The following KIAA1958 variants were observed in gnomAD, a reference collection of about 807,000 sequenced individuals.
The protein encoded by KIAA1958 is uncharacterized protein KIAA1958.
Under a neutral mutation model 47.2 loss-of-function variants are expected in KIAA1958, and 14 were observed. That is an observed-to-expected ratio of 0.30 (90% CI 0.20 to 0.46). The LOEUF (loss-of-function observed/expected upper bound fraction) is 0.46, where lower values mean the gene tolerates loss of function less well. Among genes scored for constraint, KIAA1958 ranks in the 20% least tolerant of loss-of-function variants. The pLI is 1.00. For missense variants in KIAA1958, 803 were observed against 909.2 expected (o/e 0.88, Z 1.50); for synonymous variants, 354 against 353.3 (o/e 1.00, Z -0.02).
At chr9:112,623,841 A>G (rs1379074169) in intron 2 of KIAA1958, among the ~76,000 whole-genome samples, 1 of 152,232 alleles carries the variant, frequency 6.6e-6, no homozygotes, top group African/African-American at 2.4e-5. Flanking sequence ...ATCGATTGCC[A>G]TTGACCAGAT....
At chr9:112,601,030 A>C in intron 2 of KIAA1958, among the ~76,000 whole-genome samples, 1 of 152,226 alleles carries the variant, frequency 6.6e-6, no homozygotes, top group East Asian at 1.9e-4. Flanking sequence ...AGTTGAACCC[A>C]GGCATTCTTG....
chr9:112,533,504 C>G (rs1349786791), intron 1 of KIAA1958, among the ~76,000 whole-genome samples: 3 of 147,474 alleles, frequency 2.0e-5, no homozygotes, highest in Non-Finnish European at 4.4e-5. Context: ...TGGCGTGAAC[C>G]CGGGAGACGG....
At chr9:112,557,256 C>T (rs968023476) in intron 1 of KIAA1958, among the ~76,000 whole-genome samples, 2 of 152,110 alleles carry the variant, frequency 1.3e-5, no homozygotes, top group Non-Finnish European at 2.9e-5. Context: ...ACACCCAGCC[C>T]CATTCAGTGT....
chr9:112,628,327 C>T (rs1836654149), intron 2 of KIAA1958, among the ~76,000 whole-genome samples: 1 of 152,312 alleles, frequency 6.6e-6, no homozygotes, highest in Non-Finnish European at 1.5e-5. Flanking sequence ...TGATTTAATT[C>T]TAAGACTATC....
At chr9:112,533,393 G>A (rs911325558) in intron 1 of KIAA1958, among the ~76,000 whole-genome samples, 11 of 145,922 alleles carry the variant, frequency 7.5e-5, no homozygotes, top group East Asian at 2.0e-4. Flanking sequence ...TGGCTAACAC[G>A]GTGAAACCCC....
At chr9:112,616,228 G>A (rs994546578) in intron 2 of KIAA1958, among the ~76,000 whole-genome samples, 2 of 152,168 alleles carry the variant, frequency 1.3e-5, no homozygotes, top group South Asian at 2.1e-4. Flanking sequence ...GGAGCATAAA[G>A]CTTACTTTTG....
intron 1 of KIAA1958, among the ~76,000 whole-genome samples, chr9:112,541,876 A>T (rs527716192): frequency 6.6e-6 from 1 of 152,224 alleles, no homozygotes; most frequent in Non-Finnish European, 1.5e-5. Context: ...CTGGGACATC[A>T]CTGGCATGTG....
In KIAA1958 at chr9:112,525,932, T is replaced by TCTC. The variant is rs1564159402; in HGVS notation, c.-25+38816_-25+38817insCCT. ...CATTTATATTCTTTCTTCTTCTTCT[T>TCTC]CTTCTTCTTCTTCTTCTTCTTCTTC... On this transcript the variant is annotated intron_variant, in intron 1 of 3. Coordinates refer to ENST00000337530, the MANE Select transcript of KIAA1958 (RefSeq NM_133465.4). 2.9e-3 allele frequency among the ~76,000 whole-genome samples: 14 copies of TCTC among 4,870 alleles called. No individual in the cohort carries two copies. In the African/African-American group the frequency reaches 0.029, roughly 10 times the overall value. 3.2% of individuals were successfully genotyped at this position (4,870 alleles called of 152,430 possible).
intron 3 of KIAA1958, among the ~76,000 whole-genome samples, chr9:112,649,726 G>C (rs1469504316): frequency 6.6e-6 from 1 of 152,028 alleles, no homozygotes; most frequent in Non-Finnish European, 1.5e-5. Flanking sequence ...ATTATTGAAA[G>C]AAAAATACTT....
At chr9:112,617,663 C>A (rs1434090109) in intron 2 of KIAA1958, among the ~76,000 whole-genome samples, 1 of 152,122 alleles carries the variant, frequency 6.6e-6, no homozygotes, top group Non-Finnish European at 1.5e-5. Flanking sequence ...TTGTAATGGG[C>A]CATATGCTTG....
At chr9:112,489,995 T>A (rs1183228926) in intron 1 of KIAA1958, among the ~76,000 whole-genome samples, 3 of 152,230 alleles carry the variant, frequency 2.0e-5, no homozygotes, top group Non-Finnish European at 4.4e-5. Context: ...TCTTTCTTTT[T>A]GACATTTTTT....
chr9:112,513,004 ATTTT>A (rs34446189), intron 1 of KIAA1958, among the ~76,000 whole-genome samples: 2 of 104,548 alleles, frequency 1.9e-5, no homozygotes, highest in African/African-American at 4.1e-5. Context: ...TGCCCAGCTA[ATTTT>A]TTTTTTTTTT....
At chr9:112,638,663 A>C (rs1325733548) in intron 2 of KIAA1958, among the ~76,000 whole-genome samples, 1 of 152,142 alleles carries the variant, frequency 6.6e-6, no homozygotes, top group Non-Finnish European at 1.5e-5. Context: ...AAAATTCTCG[A>C]CCAATATTTT....
intron 1 of KIAA1958, among the ~76,000 whole-genome samples, chr9:112,513,726 CG>C (rs1834364860): frequency 2.9e-5 from 1 of 34,334 alleles, no homozygotes; most frequent in Non-Finnish European, 5.3e-5. Flanking sequence ...GAGGAGCGGA[CG>C]GGCCCCGCGG....
chr9:112,517,103 G>A (rs1327305138), intron 1 of KIAA1958, among the ~76,000 whole-genome samples: 3 of 152,200 alleles, frequency 2.0e-5, no homozygotes, highest in African/African-American at 4.8e-5. Flanking sequence ...CCTTTAGACT[G>A]AACTTCAAAT....
At chr9:112,615,179 T>A (rs1588040788) in intron 2 of KIAA1958, among the ~76,000 whole-genome samples, 1 of 152,074 alleles carries the variant, frequency 6.6e-6, no homozygotes, top group African/African-American at 2.4e-5. Context: ...CCCAGCACTT[T>A]GGGAGGCAAG....
intron 1 of KIAA1958, among the ~76,000 whole-genome samples, chr9:112,521,961 C>CTATTTATTTATTTA (rs1554721014): frequency 6.8e-6 from 1 of 146,542 alleles, no homozygotes; most frequent in Admixed American, 6.8e-5. Flanking sequence ...TTTTAAATAA[C>CTATTTATTTATTTA]TTTATTTATT....
At chr9:112,658,686 G>A (rs569308495) in intron 3 of KIAA1958, among the ~76,000 whole-genome samples, 16 of 152,162 alleles carry the variant, frequency 1.1e-4, no homozygotes, top group Admixed American at 3.9e-4. Context: ...TAGACCAGGC[G>A]TGGTGGCTGA....
intron 2 of KIAA1958, among the ~76,000 whole-genome samples, chr9:112,616,240 A>G (rs1480024646): frequency 1.3e-5 from 2 of 152,248 alleles, no homozygotes; most frequent in Non-Finnish European, 2.9e-5. Flanking sequence ...TTACTTTTGT[A>G]TATTTGAATT....
Sources: gnomAD v4.1 joint callset for allele counts (sites outside exome capture counted in the v4.1 genomes callset) on GRCh38, gnomAD v4.1.1 for gene constraint, MANE v1.5 for transcripts, NCBI Gene and HGNC (gene_info 2026-07-23, HGNC 2026-07-21) for gene names.